Variants in NFIC observed in about 807,000 individuals in gnomAD.
NFIC encodes the protein nuclear factor I C, also known as nuclear factor 1 C-type.
NFIC carries 12 observed loss-of-function variants against 54.4 expected under a neutral mutation model. The observed-to-expected ratio is 0.22, with a 90% confidence interval of 0.14 to 0.36. NFIC has a LOEUF of 0.36. Among genes scored for constraint, NFIC ranks in the 10% least tolerant of loss-of-function variants. The pLI is 1.00. For missense variants in NFIC, 575 were observed against 718.2 expected, an observed-to-expected ratio of 0.80 and a Z score of 2.28; for synonymous variants, 322 against 319.2, an observed-to-expected ratio of 1.01 and a Z score of -0.09.
upstream of NFIC, chr19:3,366,551 G>A (rs1457848306): frequency 3.3e-6 from 2 of 613,850 alleles, no homozygotes; most frequent in Non-Finnish European, 4.9e-6. Context: ...GGGGGTTGGG[G>A]GGGGCGGGGG....
rs2082499466 is a variant in NFIC at position 3,453,421 on chromosome 19, C to T, written c.1270-342C>T. The stretch of plus-strand genomic sequence containing the variant: ...ATGATGGTGGATGATGGCGTGCTCG[C>T]AGTGAATTAGGAAAAACGCGGAGAA... On this transcript the variant is annotated intron_variant, in intron 8 of 10. Transcript: ENST00000443272. The surrounding 1 kb of genome is among the most constrained non-coding windows in gnomAD (Gnocchi z 6.7). Among the ~76,000 whole-genome samples, 1 of 152,158 alleles carries T rather than the reference C, an allele frequency of 6.6e-6. No homozygotes were observed. Among genetic ancestry groups the T allele is most frequent in the Non-Finnish European group, 1.5e-5 (1 of 68,032 alleles).
intron 6 of NFIC, among the ~76,000 whole-genome samples, chr19:3,437,675 T>TTTTTTTG (rs1405286131): frequency 2.0e-5 from 3 of 151,238 alleles, no homozygotes; most frequent in African/African-American, 7.3e-5. Context: ...TCTGTTTCGT[T>TTTTTTTG]TTTTTTGTTT....
chr19:3,396,588 A>T (rs1158657105), intron 2 of NFIC, among the ~76,000 whole-genome samples: 1 of 152,118 alleles, frequency 6.6e-6, no homozygotes, highest in Non-Finnish European at 1.5e-5. Context: ...TCTGGTGAAC[A>T]GAGCTATGTG....
intron 3 of NFIC, 110 bp from the exon 4 acceptor site, chr19:3,433,408 G>C (rs1353144869): frequency 2.7e-6 from 3 of 1,109,416 alleles, no homozygotes; most frequent in Non-Finnish European, 4.0e-6. Context: ...GGATGGACAG[G>C]GGGAACGTCC....
rs2082691256 is a variant in NFIC at position 3,464,592 on chromosome 19, C to T, written c.*1823C>T. The T allele has an allele frequency of 2.1e-6, 2 of 949,292 alleles. No homozygotes were observed. Among genetic ancestry groups the T allele is most frequent in the African/African-American group, 1.8e-5 (1 of 56,098 alleles). The allele number at this position is 949,292 out of a possible 1,614,324, so 58.8% of individuals were successfully genotyped here. A position where few individuals can be genotyped will look rare whatever the true frequency, so the allele number is the denominator to read the frequency against. On this transcript the variant is annotated 3_prime_UTR_variant, in exon 11 of 11. Transcript: ENST00000443272. ...AAAACTCCCCCCACCACTGCCCCCT[C>T]CCCCGACCCAGGCCAAAGCCAGGGC...
intron 3 of NFIC, among the ~76,000 whole-genome samples, chr19:3,427,952 C>T (rs2082053535): frequency 6.6e-6 from 1 of 151,892 alleles, no homozygotes; most frequent in Non-Finnish European, 1.5e-5. Flanking sequence ...GGTGGATCAC[C>T]TGAGGTCAGG....
intron 10 of NFIC, among the ~76,000 whole-genome samples, chr19:3,461,269 A>C (rs1467765230): frequency 6.6e-6 from 1 of 151,894 alleles, no homozygotes; most frequent in Non-Finnish European, 1.5e-5. Flanking sequence ...AAAAAAAAAA[A>C]AAAACTAGTC....
chr19:3,432,642 A>T (rs940593096), intron 3 of NFIC, among the ~76,000 whole-genome samples: 8 of 149,112 alleles, frequency 5.4e-5, no homozygotes, highest in Non-Finnish European at 1.0e-4. Flanking sequence ...GATGGAGCCG[A>T]TGTGAGCCCA....
intron 2 of NFIC, 32 bp from the exon 3 acceptor site, chr19:3,425,074 A>T: frequency 4.3e-6 from 7 of 1,611,362 alleles, no homozygotes. Flanking sequence ...GGTCTCTGTG[A>T]TGCCACCAGT....
chr19:3,425,745 C>A (rs2082017398), intron 3 of NFIC, among the ~76,000 whole-genome samples: 1 of 151,426 alleles, frequency 6.6e-6, no homozygotes, highest in African/African-American at 2.4e-5. Flanking sequence ...CAGGCATGAG[C>A]CACCGTGCCC....
rs1250321141 is a variant in NFIC at position 3,370,445 on chromosome 19, C to G, written c.30+3779C>G. Among the ~76,000 whole-genome samples, 1 of 152,044 alleles carries G rather than the reference C, an allele frequency of 6.6e-6. No individual in the cohort carries two copies. The highest frequency in any genetic ancestry group is 1.9e-4 in the East Asian group (1 of 5,176). Reference sequence around the variant, plus strand: ...CGCCAGGGCCAAGCGCCCTGTAAATCACCAAAGCTGGGATTCTGGCAGAGT... The same window carrying G: ...CGCCAGGGCCAAGCGCCCTGTAAATGACCAAAGCTGGGATTCTGGCAGAGT... On this transcript the variant is annotated intron_variant, in intron 1 of 10. Transcript: ENST00000443272. The surrounding 1 kb of genome is among the most constrained non-coding windows in gnomAD (Gnocchi z 5.2).
intron 1 of NFIC, among the ~76,000 whole-genome samples, chr19:3,373,617 A>ACCC (rs150678004): frequency 0.012 from 973 of 78,572 alleles, 13 homozygotes; most frequent in South Asian, 0.027. Context: ...ACCTTCCTGG[A>ACCC]CCCCCCCCCC....
chr19:3,393,326 G>A (rs965987454), intron 2 of NFIC, among the ~76,000 whole-genome samples: 2 of 152,074 alleles, frequency 1.3e-5, no homozygotes, highest in Non-Finnish European at 2.9e-5. Flanking sequence ...AAGATCTGCC[G>A]GAGGAGAGGG....
chr19:3,376,686 A>G (rs912264090), intron 1 of NFIC, among the ~76,000 whole-genome samples: 3 of 152,068 alleles, frequency 2.0e-5, no homozygotes, highest in Non-Finnish European at 4.4e-5. Flanking sequence ...GTGACCTAAG[A>G]TCGTGCCACT....
chr19:3,392,174 T>C (rs1434655676), intron 2 of NFIC, among the ~76,000 whole-genome samples: 6 of 146,804 alleles, frequency 4.1e-5, no homozygotes, highest in African/African-American at 1.3e-4. Context: ...CGGGTTCAAG[T>C]GATTCTCCTG....
chr19:3,409,511 C>T (rs867795030), intron 2 of NFIC, among the ~76,000 whole-genome samples: 4 of 152,354 alleles, frequency 2.6e-5, no homozygotes, highest in Middle Eastern at 3.4e-3. Flanking sequence ...GCCATCCCCC[C>T]AAGGCCTGGC....
At position 3,381,801 on chromosome 19, in the gene NFIC, G is replaced by A. The variant is rs370694661; in HGVS notation, c.120G>A (p.Lys40=). The change falls in exon 2 of 11, where the codon AAG becomes AAA. Residue 40 remains lysine (K), a synonymous_variant. Coordinates refer to ENST00000443272, the MANE Select transcript of NFIC (RefSeq NM_001245002.2). Reference sequence around the variant, plus strand: ...TCAACCTGCAGGCGCGGAAGCGCAAGTACTTCAAGAAGCACGAGAAGCGGA... The same window carrying A: ...TCAACCTGCAGGCGCGGAAGCGCAAATACTTCAAGAAGCACGAGAAGCGGA... ...TWFNLQARKR[K]YFKKHEKRMS... The A allele has an allele frequency of 1.2e-4, 187 of 1,614,028 alleles. 1 individual carries two copies. In the South Asian group the frequency reaches 1.6e-3, roughly 14 times the overall value.
At chr19:3,449,895 A>G (rs921973554) in intron 7 of NFIC, among the ~76,000 whole-genome samples, 7 of 151,740 alleles carry the variant, frequency 4.6e-5, no homozygotes, top group African/African-American at 1.7e-4. Flanking sequence ...TGTCTACTAA[A>G]AATACAAAAA....
intron 6 of NFIC, among the ~76,000 whole-genome samples, chr19:3,448,699 G>A (rs1448681020): frequency 1.3e-5 from 2 of 152,140 alleles, no homozygotes; most frequent in Non-Finnish European, 2.9e-5. Flanking sequence ...TGACTCCCAG[G>A]TGATGGGGCA....
Sources: gnomAD v4.1 joint callset for allele counts (sites outside exome capture counted in the v4.1 genomes callset) on GRCh38, gnomAD v4.1.1 for gene constraint, Gnocchi (gnomAD v3.1) non-coding constraint, MANE v1.5 for transcripts, NCBI Gene and HGNC (gene_info 2026-07-23, HGNC 2026-07-21) for gene names.